The following VPS13C variants were observed in gnomAD, a reference collection of about 807,000 sequenced individuals.
The protein encoded by VPS13C is intermembrane lipid transfer protein VPS13C.
Under a neutral mutation model 456.8 loss-of-function variants are expected in VPS13C, and 358 were observed. The ratio of observed to expected loss-of-function variants is 0.78; its 90% CI spans 0.72 to 0.86. The LOEUF is 0.86. VPS13C is among the 40% of genes least tolerant of loss of function. The probability of loss-of-function intolerance (pLI) is 0.00; values close to 1 mark genes in which losing one functional copy is unlikely to be tolerated. For synonymous variants in VPS13C, 1,578 were observed against 1,486.7 expected (o/e 1.06, Z -1.41); for missense variants, 4,818 against 4,385.4 (o/e 1.10, Z -2.79).
At chr15:62,047,013 A>G (rs1811922738) in intron 1 of VPS13C, among the ~76,000 whole-genome samples, 1 of 152,132 alleles carries the variant, frequency 6.6e-6, no homozygotes, top group South Asian at 2.1e-4. Flanking sequence ...GGAAATTATA[A>G]GAAGGAAAAT....
Position 61,882,664 on chromosome 15 carries a change from C to T in VPS13C, c.9556G>A (p.Gly3186Arg), listed in dbSNP as rs749620173. 1 of 1,600,930 alleles carries T rather than the reference C, an allele frequency of 6.2e-7. No individual in the cohort carries two copies. Among genetic ancestry groups the T allele is most frequent in the African/African-American group, 1.3e-5 (1 of 74,372 alleles). Residue 3186 changes from glycine (G) to arginine (R), a missense_variant, in exon 69 of 85, where the codon GGA becomes AGA. Around this residue, in one of 3 missense-constraint regions of VPS13C, gnomAD observed 4,552 missense variants for 4,130.6 expected, o/e 1.10. Transcript: ENST00000644861. ...GACTGCTTAAATTCAATCTGAATTC[C>T]TGATAAAAAGTCTCGTTTAATAGGG... is the stretch of plus-strand genomic sequence containing the variant. ...RSPIKRDFLSGIQIEFKQSSH... is the reference protein window; with the variant it reads ...RSPIKRDFLSRIQIEFKQSSH...
In VPS13C at chr15:61,920,199, C is replaced by A. The variant is rs779812367; in HGVS notation, c.7345G>T (p.Glu2449Ter). The A allele has an allele frequency of 1.2e-6, 2 of 1,613,490 alleles. No homozygotes were observed. Among genetic ancestry groups the A allele is most frequent in the South Asian group, 1.1e-5 (1 of 91,048 alleles). ...NCNLRVMGFP[E>*]KSDIFDVDAG... is the part of the protein sequence containing the mutation. ...TCAACATCAAAAATATCACTTTTCT[C>A]AGGGAAGCCCATTACTCTGAGATTA... The change falls in exon 57 of 85, where the codon GAG becomes TAG. Residue 2449 changes from glutamate to a stop codon, truncating the protein, a stop_gained. Coordinates refer to ENST00000644861, the MANE Select transcript of VPS13C (RefSeq NM_020821.3). LOFTEE classifies it high-confidence loss of function.
chr15:61,903,620 AC>A (rs1566985228), intron 66 of VPS13C, among the ~76,000 whole-genome samples: 2 of 152,160 alleles, frequency 1.3e-5, no homozygotes, highest in African/African-American at 4.8e-5. Context: ...CTATCAAAAT[AC>A]CAATGATATT....
At chr15:61,998,242 G>A (rs1373281802) in intron 16 of VPS13C, among the ~76,000 whole-genome samples, 1 of 152,142 alleles carries the variant, frequency 6.6e-6, no homozygotes, top group African/African-American at 2.4e-5. Context: ...ATGTTTCCTT[G>A]TTAGTGAGGC....
chr15:62,031,516 T>C (rs989645933), intron 5 of VPS13C, among the ~76,000 whole-genome samples: 2 of 151,986 alleles, frequency 1.3e-5, no homozygotes, highest in African/African-American at 4.8e-5. Context: ...CTTAAATGTG[T>C]TTCTTAACAG....
Position 61,961,394 on chromosome 15 carries a change from AACACACACACAC to A in VPS13C, c.3908+183_3908+194del, listed in dbSNP as rs66786972. Among the ~76,000 whole-genome samples, 9,112 of 132,604 alleles carry A rather than the reference AACACACACACAC, an allele frequency of 0.069. 369 individuals are homozygous for A. Among genetic ancestry groups the A allele is most frequent in the Non-Finnish European group, 0.087 (5,523 of 63,166 alleles). 87.0% of individuals were successfully genotyped at this position (132,604 alleles called of 152,430 possible). A position where few individuals can be genotyped will look rare whatever the true frequency, so the allele number is the denominator to read the frequency against. On this transcript the variant is annotated intron_variant, in intron 35 of 84. Transcript: ENST00000644861. ...GTGACAGACCAAGACTCCAACTCAA[AACACACACACAC>A]ACACACACACACACACACACACACA...
At chr15:61,961,156 AAGC>A (rs2045185844) in intron 35 of VPS13C, among the ~76,000 whole-genome samples, 1 of 151,450 alleles carries the variant, frequency 6.6e-6, no homozygotes, top group Non-Finnish European at 1.5e-5. Flanking sequence ...TGGGGGTCCA[AAGC>A]AGGTGGATCA....
chr15:61,892,184 G>A (rs910742326), intron 66 of VPS13C, among the ~76,000 whole-genome samples: 1 of 152,214 alleles, frequency 6.6e-6, no homozygotes, highest in African/African-American at 2.4e-5. Context: ...ACAAAGAGGA[G>A]AAGCAGGATT....
intron 48 of VPS13C, among the ~76,000 whole-genome samples, chr15:61,934,562 T>G (rs2044162058): frequency 6.6e-6 from 1 of 152,136 alleles, no homozygotes; most frequent in Non-Finnish European, 1.5e-5. Flanking sequence ...AGGCAGACTA[T>G]GTTAAAAAAT....
intron 52 of VPS13C, 74 bp downstream of exon 52, chr15:61,927,017 A>T: frequency 7.6e-7 from 1 of 1,324,154 alleles, no homozygotes; most frequent in Non-Finnish European, 1.1e-6. Context: ...CAGAGCTCTC[A>T]TATTCTAGGA....
At position 61,974,398 on chromosome 15, in the gene VPS13C, G is replaced by A. The variant is rs1285049062; in HGVS notation, c.2428C>T (p.Leu810Phe). 2 of 1,612,190 alleles carry A rather than the reference G, an allele frequency of 1.2e-6. No individual in the cohort carries two copies. The highest frequency in any genetic ancestry group is 2.2e-5 in the South Asian group (2 of 91,014). The change falls in exon 25 of 85, where the codon CTT (leucine) becomes TTT (phenylalanine). Residue 810 changes from leucine (L) to phenylalanine (F), a missense_variant. Physicochemically the swap from Leu to Phe is conservative, Grantham distance 22. Transcript: ENST00000644861. ...GAAATTCTCACATGCATCAAAGGAA[G>A]TCCTCCTGACACTTTAAATCTAAAA... ...RMARFKVSGG[L>F]PLMHVRISDQ...
rs2047884425 is a variant in VPS13C, at chr15:62,033,453, CT to C, written c.372del (p.Ala125GlnfsTer66). ...ELSRIEEALQ[K>X]AAEKGTHSGE... ...AAAAACTTTTTACCTTTTTCTGCTGCTTTTTGAAGGGCTTCTTCAATTCGGG... is the reference window on the plus strand; with the variant it reads ...AAAAACTTTTTACCTTTTTCTGCTGCTTTTGAAGGGCTTCTTCAATTCGGG... On this transcript the variant is annotated frameshift_variant, in exon 5 of 85. Coordinates refer to ENST00000644861, the MANE Select transcript of VPS13C (RefSeq NM_020821.3). LOFTEE classifies it high-confidence loss of function. 6.3e-7 allele frequency: 1 copy of C among 1,598,764 alleles called. No homozygotes were observed. The highest frequency in any genetic ancestry group is 1.7e-5 in the Admixed American group (1 of 57,796).
intron 66 of VPS13C, among the ~76,000 whole-genome samples, chr15:61,896,515 C>T (rs2042818935): frequency 6.6e-6 from 1 of 152,220 alleles, no homozygotes; most frequent in African/African-American, 2.4e-5. Flanking sequence ...AATCGGGTCA[C>T]TCCCACCTGA....
intron 15 of VPS13C, among the ~76,000 whole-genome samples, chr15:62,004,482 C>T (rs2046759501): frequency 1.3e-5 from 2 of 149,540 alleles, no homozygotes; most frequent in South Asian, 4.2e-4. Context: ...CTCCTGGATT[C>T]ATTAATTTTT....
intron 47 of VPS13C, among the ~76,000 whole-genome samples, chr15:61,939,847 T>C (rs1192866186): frequency 1.3e-5 from 2 of 151,894 alleles, no homozygotes; most frequent in Admixed American, 6.6e-5. Flanking sequence ...ATACAAAAAT[T>C]AGCCAAGTGG....
chr15:61,951,000 A>G lies in VPS13C; in HGVS notation c.4481T>C (p.Ile1494Thr). ...FTDSKGEPLH[I>T]INSSNVTDEP... ...GTCAGTCACATTAGAAGAGTTAATA[A>G]TGTGAAGAGGTTCCCCTTTAGAGTC... The change falls in exon 40 of 85, where the codon ATT (isoleucine) becomes ACT (threonine). Residue 1494 changes from isoleucine to threonine, a missense_variant. Around this residue, in one of 3 missense-constraint regions of VPS13C, gnomAD observed 4,552 missense variants for 4,130.6 expected, o/e 1.10. Coordinates refer to ENST00000644861, the MANE Select transcript of VPS13C (RefSeq NM_020821.3). 1 of 1,602,570 alleles carries G rather than the reference A, an allele frequency of 6.2e-7. No homozygotes were observed.
chr15:61,908,522 C>T (rs1264449010), intron 65 of VPS13C, among the ~76,000 whole-genome samples: 1 of 152,102 alleles, frequency 6.6e-6, no homozygotes, highest in Non-Finnish European at 1.5e-5. Context: ...ACTATCTACT[C>T]ATCGTCTTCT....
At chr15:61,960,804 G>A (rs1253055799) in intron 35 of VPS13C, among the ~76,000 whole-genome samples, 7 of 152,154 alleles carry the variant, frequency 4.6e-5, no homozygotes, top group Non-Finnish European at 1.5e-5. Flanking sequence ...GGCCTGGTGC[G>A]ATGGCTCATG....
At chr15:61,911,532 A>G (rs1402283467) in intron 63 of VPS13C, among the ~76,000 whole-genome samples, 1 of 152,166 alleles carries the variant, frequency 6.6e-6, no homozygotes, top group Non-Finnish European at 1.5e-5. Context: ...ATATAGAGAC[A>G]TTATCTTGAC....
Sources: allele counts gnomAD v4.1 joint callset (sites outside exome capture counted in the v4.1 genomes callset), GRCh38; gene constraint gnomAD v4.1.1; regional missense constraint gnomAD v4.1.1; transcripts MANE v1.5; gene names NCBI Gene and HGNC (gene_info 2026-07-23, HGNC 2026-07-21).